Variants in EBF1 observed in about 807,000 individuals in gnomAD.
EBF1 encodes EBF transcription factor 1, also known as transcription factor COE1.
In EBF1, 10 loss-of-function variants were observed where a neutral mutation model predicts 68.4. That is an observed-to-expected ratio of 0.15 (90% CI 0.09 to 0.25). The LOEUF (loss-of-function observed/expected upper bound fraction) is 0.25. EBF1 is among the 10% of genes least tolerant of loss of function. EBF1 has a pLI of 1.00. For synonymous variants in EBF1, 298 were observed against 299.8 expected (o/e 0.99, Z 0.06); for missense variants, 509 against 794.4 (o/e 0.64, Z 4.32).
chr5:158,831,365 A>G (rs918097417), intron 7 of EBF1, among the ~76,000 whole-genome samples: 7 of 152,206 alleles, frequency 4.6e-5, no homozygotes, highest in African/African-American at 1.7e-4. Flanking sequence ...TGAGTCACTT[A>G]GTCATAGGAA....
chr5:158,701,871 C>G (rs1756849099), intron 15 of EBF1, among the ~76,000 whole-genome samples: 1 of 152,188 alleles, frequency 6.6e-6, no homozygotes, highest in African/African-American at 2.4e-5. Context: ...CTCTGAGAGT[C>G]TAATGGGAGC....
intron 10 of EBF1, among the ~76,000 whole-genome samples, chr5:158,766,381 G>T (rs528563185): frequency 3.9e-5 from 6 of 152,204 alleles, no homozygotes; most frequent in Admixed American, 1.3e-4. Context: ...TGGAAAAAAT[G>T]ACTTGAAAAA....
At chr5:159,041,451 C>T (rs965977384) in intron 6 of EBF1, among the ~76,000 whole-genome samples, 1 of 152,100 alleles carries the variant, frequency 6.6e-6, no homozygotes, top group Non-Finnish European at 1.5e-5. Context: ...CAGCCTGTCG[C>T]GTATGGATTC....
intron 10 of EBF1, among the ~76,000 whole-genome samples, chr5:158,743,167 C>A (rs1766796816): frequency 6.6e-6 from 1 of 152,034 alleles, no homozygotes; most frequent in African/African-American, 2.4e-5. Flanking sequence ...GTACACTGCA[C>A]AAAAGGAGGA....
chr5:158,786,848 C>T (rs543040550), intron 9 of EBF1, among the ~76,000 whole-genome samples: 1 of 152,130 alleles, frequency 6.6e-6, no homozygotes, highest in South Asian at 2.1e-4. Context: ...ATATAAAAGC[C>T]AAAAGACTGA....
chr5:158,710,640 G>A (rs75821624), intron 14 of EBF1, among the ~76,000 whole-genome samples: 13,509 of 152,128 alleles, frequency 0.089, 1,680 homozygotes, highest in African/African-American at 0.28. Flanking sequence ...GTAATTTTGT[G>A]GACCTTGAGC....
intron 6 of EBF1, among the ~76,000 whole-genome samples, chr5:158,911,755 C>T (rs1323446886): frequency 6.6e-6 from 1 of 152,168 alleles, no homozygotes; most frequent in African/African-American, 2.4e-5. Context: ...TTGGCTAGAA[C>T]CACTGTGAGC....
At chr5:158,965,410 C>T (rs192717736) in intron 6 of EBF1, among the ~76,000 whole-genome samples, 5 of 152,222 alleles carry the variant, frequency 3.3e-5, no homozygotes, top group Admixed American at 6.5e-5. Context: ...TCTGAAAGAT[C>T]CCAATTGTAC....
intron 6 of EBF1, among the ~76,000 whole-genome samples, chr5:158,989,535 G>T (rs1172278861): frequency 6.6e-6 from 1 of 152,170 alleles, no homozygotes; most frequent in Non-Finnish European, 1.5e-5. Context: ...GCATCCCTGT[G>T]ATCAAGGCAG....
intron 9 of EBF1, among the ~76,000 whole-genome samples, chr5:158,790,309 A>C (rs1329576833): frequency 6.6e-6 from 1 of 152,254 alleles, no homozygotes; most frequent in African/African-American, 2.4e-5. Flanking sequence ...GCCTTGCAGC[A>C]TTGGAGAATA....
chr5:158,749,466 C>T (rs530024662), intron 10 of EBF1, among the ~76,000 whole-genome samples: 362 of 152,180 alleles, frequency 2.4e-3, no homozygotes, highest in African/African-American at 8.1e-3. Flanking sequence ...GAAAGAGATT[C>T]CTAACTCACT....
At chr5:158,709,087 G>A (rs1298899344) in intron 14 of EBF1, among the ~76,000 whole-genome samples, 1 of 152,086 alleles carries the variant, frequency 6.6e-6, no homozygotes, top group Non-Finnish European at 1.5e-5. Flanking sequence ...TAATCTCTCG[G>A]TTACTTTAGG....
rs1387869911 is a variant in EBF1 at position 158,722,908 on chromosome 5, GT to G, written c.1125+8160del. Reference sequence around the variant, plus strand: ...GTTGGGTGGCTGGAGGTAGAAATGAGTTTGCCTCTTGGTTCTCCTGTCACCT... The same window carrying G: ...GTTGGGTGGCTGGAGGTAGAAATGAGTTGCCTCTTGGTTCTCCTGTCACCT... On this transcript the variant is annotated intron_variant, in intron 11 of 15. Transcript: ENST00000313708. Among the ~76,000 whole-genome samples the G allele has an allele frequency of 3.9e-5, 6 of 152,152 alleles. No individual in the cohort carries two copies. In the East Asian group the frequency reaches 1.2e-3, roughly 29 times the overall value.
intron 15 of EBF1, 65 bp downstream of exon 15, chr5:158,707,911 GCTT>G: frequency 6.7e-7 from 1 of 1,501,624 alleles, no homozygotes; most frequent in Non-Finnish European, 9.0e-7. Context: ...TGATGCATCT[GCTT>G]CAGGCCCTGG....
intron 6 of EBF1, among the ~76,000 whole-genome samples, chr5:158,867,913 A>T (rs147351407): frequency 7.6e-4 from 116 of 152,178 alleles, no homozygotes; most frequent in African/African-American, 2.7e-3. Context: ...CTCTGCCTTC[A>T]TTTGTTTTTT....
chr5:158,851,398 AG>A (rs1425858911), intron 6 of EBF1, among the ~76,000 whole-genome samples: 3 of 6,676 alleles, frequency 4.5e-4, no homozygotes, highest in African/African-American at 6.4e-4. Flanking sequence ...TGGGAGGGGG[AG>A]GGGGAGGGGA....
intron 7 of EBF1, among the ~76,000 whole-genome samples, chr5:158,823,574 T>C (rs1356365302): frequency 6.6e-6 from 1 of 152,236 alleles, no homozygotes; most frequent in South Asian, 2.1e-4. Context: ...CTGTTAACCA[T>C]AATTTTAACA....
chr5:158,866,059 C>T (rs459357), intron 6 of EBF1, among the ~76,000 whole-genome samples: 2,944 of 152,268 alleles, frequency 0.019, 47 homozygotes, highest in Non-Finnish European at 0.026. Context: ...CCAAATGAAA[C>T]ATATTATAGG....
At chr5:158,859,878 A>T (rs181345427) in intron 6 of EBF1, among the ~76,000 whole-genome samples, 1 of 152,302 alleles carries the variant, frequency 6.6e-6, no homozygotes, top group African/African-American at 2.4e-5. Context: ...GCCTATCTGC[A>T]TTTACATTTC....
Sources: gnomAD v4.1 joint callset for allele counts (sites outside exome capture counted in the v4.1 genomes callset) on GRCh38, gnomAD v4.1.1 for gene constraint, MANE v1.5 for transcripts, NCBI Gene and HGNC (gene_info 2026-07-23, HGNC 2026-07-21) for gene names.